ZFAND2A: variants seen among roughly 807,000 people sequenced by gnomAD.
The protein encoded by ZFAND2A is zinc finger AN1-type containing 2A.
A neutral mutation model predicts 11.6 loss-of-function variants in ZFAND2A; 20 were observed. That is an observed-to-expected ratio of 1.72 (90% CI 1.21 to 2.50). The LOEUF is 2.50. ZFAND2A is among the 30% of genes most tolerant of loss of function. The pLI is 0.00. For missense variants in ZFAND2A, 234 were observed against 182.9 expected (o/e 1.28, Z -1.61); for synonymous variants, 93 against 60.6 (o/e 1.54, Z -2.48).
downstream of ZFAND2A, among the ~76,000 whole-genome samples, chr7:1,152,623 T>TG (rs1289286087): frequency 1.3e-5 from 2 of 152,034 alleles, no homozygotes; most frequent in Non-Finnish European, 2.9e-5. Flanking sequence ...GTCACGACTG[T>TG]GGGATCACAT....
At chr7:1,155,370 T>A in intron 4 of ZFAND2A, 83 bp downstream of exon 4, 1 of 1,556,910 alleles carries the variant, frequency 6.4e-7, no homozygotes. Flanking sequence ...CTATTGGGAG[T>A]AATTTTCAGG....
chr7:1,155,567 T>C lies in ZFAND2A; in HGVS notation c.168A>G (p.Val56=), dbSNP rs750980741. The change falls in exon 4 of 5, where the codon GTA becomes GTG. Residue 56 remains valine, a synonymous_variant. Coordinates refer to ENST00000316495, the MANE Select transcript of ZFAND2A (RefSeq NM_182491.4). ...FAFQKDVHVP[V]CPLCNTPIPV... is the part of the protein sequence containing the mutation. Reference sequence around the variant, plus strand: ...GGATGGGGGTATTACAGAGTGGGCATACTGGGACGTGAACATCCTAAAAAT... The same window carrying C: ...GGATGGGGGTATTACAGAGTGGGCACACTGGGACGTGAACATCCTAAAAAT... 1 of 1,613,138 alleles carries C rather than the reference T, an allele frequency of 6.2e-7. No homozygotes were observed. The highest frequency in any genetic ancestry group is 8.5e-7 in the Non-Finnish European group (1 of 1,179,626).
At chr7:1,149,107 T>C (rs1226392218), downstream of ZFAND2A, among the ~76,000 whole-genome samples, 2 of 152,128 alleles carry the variant, frequency 1.3e-5, no homozygotes, top group African/African-American at 4.8e-5. Context: ...TGGATACATC[T>C]CAGTTTGGAC....
intron 1 of ZFAND2A, 70 bp from the exon 2 acceptor site, chr7:1,158,327 T>C (rs1793581762): frequency 1.1e-6 from 1 of 937,882 alleles, no homozygotes; most frequent in Non-Finnish European, 1.7e-6. Flanking sequence ...TACAATGTAA[T>C]TACAGCTAAT....
In ZFAND2A at chr7:1,155,661, G is replaced by C. The variant is rs1584027514; in HGVS notation, c.151-77C>G. 2.6e-6 allele frequency: 4 copies of C among 1,519,258 alleles called. No homozygotes were observed. The East Asian group carries it at 9.3e-5, about 35-fold the overall frequency. The allele number at this position is 1,519,258 out of a possible 1,614,324, so 94.1% of individuals were successfully genotyped here. On this transcript the variant is annotated intron_variant, in intron 3 of 4. Transcript: ENST00000316495. ...ACAGAAGTTTTAAACGAGTACTCCT[G>C]TGCGGCACACTTAAACACAAAGAGA...
chr7:1,152,603 CTTTT>C (rs1157179801), downstream of ZFAND2A, among the ~76,000 whole-genome samples: 1 of 152,282 alleles, frequency 6.6e-6, no homozygotes, highest in African/African-American at 2.4e-5. Context: ...GACACAGGGT[CTTTT>C]CAGAGGTCAC....
chr7:1,153,149 C>T lies in ZFAND2A; in HGVS notation c.358G>A (p.Gly120Ser), dbSNP rs149754089. Residue 120 changes from glycine (G) to serine (S), a missense_variant, in exon 5 of 5, where the codon GGC (glycine) becomes AGC (serine). By Grantham distance (56) the Gly-to-Ser change is moderately conservative (BLOSUM62 0). Transcript: ENST00000316495. ...MLQMVCAQCH[G>S]NFCIQHRHPL... ...TGTCTGTGCTGGATACAGAAGTTGC[C>T]GTGACATTGGGCACATACCATCTGC... 35 of 1,614,204 alleles carry T rather than the reference C, an allele frequency of 2.2e-5. No homozygotes were observed. In the East Asian group the frequency reaches 6.5e-4, roughly 30 times the overall value.
At chr7:1,159,771 G>A (rs1460479572) in intron 1 of ZFAND2A, among the ~76,000 whole-genome samples, 193 bp downstream of exon 1, 1 of 111,030 alleles carries the variant, frequency 9.0e-6, no homozygotes, top group African/African-American at 3.2e-5. Flanking sequence ...AGACAGGCCG[G>A]ACCCCCAGCA....
At chr7:1,156,079 G>C (rs1793519747) in intron 3 of ZFAND2A, among the ~76,000 whole-genome samples, 1 of 152,254 alleles carries the variant, frequency 6.6e-6, no homozygotes, top group Non-Finnish European at 1.5e-5. Flanking sequence ...ACTGGCTGCA[G>C]GCCAAGGTTG....
intron 4 of ZFAND2A, among the ~76,000 whole-genome samples, chr7:1,153,890 G>A (rs1010111608): frequency 1.3e-5 from 2 of 152,154 alleles, no homozygotes; most frequent in African/African-American, 4.8e-5. Flanking sequence ...GCAGTGAGCT[G>A]AGATTGTGCC....
At chr7:1,151,403 C>T (rs1008166432), downstream of ZFAND2A, among the ~76,000 whole-genome samples, 5 of 152,048 alleles carry the variant, frequency 3.3e-5, no homozygotes, top group Non-Finnish European at 2.9e-5. Flanking sequence ...ATAGTCACAT[C>T]GTTACAGAGG....
In ZFAND2A at chr7:1,153,171, C is replaced by G. The variant is rs765422786; in HGVS notation, c.336G>C (p.Gln112His). The G allele has an allele frequency of 1.2e-6, 2 of 1,614,058 alleles. No homozygotes were observed. The highest frequency in any genetic ancestry group is 3.3e-5 in the Admixed American group (2 of 60,010). Residue 112 changes from glutamine (Q) to histidine (H), a missense_variant, in exon 5 of 5, where the codon CAG becomes CAC. Gln to His is a conservative substitution (Grantham distance 24). Transcript: ENST00000316495. Reference protein sequence around the residue: ...KEGCKKKEMLQMVCAQCHGNF... With the variant: ...KEGCKKKEMLHMVCAQCHGNF... ...TGCCGTGACATTGGGCACATACCAT[C>G]TGCAGCATCTCTTTCTTCTTGCAGC...
At chr7:1,152,850 GCCAC>G, downstream of ZFAND2A, 1 of 741,806 alleles carries the variant, frequency 1.3e-6, no homozygotes, top group South Asian at 1.7e-5. Flanking sequence ...TATGGTTTGA[GCCAC>G]CCAGTTTTTA....
rs759992936 is a variant in ZFAND2A, at chr7:1,157,739, C to T, written c.67G>A (p.Val23Ile). Residue 23 changes from valine (V) to isoleucine (I), a missense_variant, in exon 3 of 5, where the codon GTA becomes ATA. Coordinates refer to ENST00000316495, the MANE Select transcript of ZFAND2A (RefSeq NM_182491.4). ...TCTTGTTTACATGCATCACATTTTA[C>T]TGGAAGAAAATCTAAAAAACAAAAA... ...KTCKQLDFLP[V>I]KCDACKQDFC... 2 of 1,553,498 alleles carry T rather than the reference C, an allele frequency of 1.3e-6. No individual in the cohort carries two copies. Among genetic ancestry groups the T allele is most frequent in the Non-Finnish European group, 1.7e-6 (2 of 1,154,100 alleles).
chr7:1,155,576 G>A lies in ZFAND2A; in HGVS notation c.159C>T (p.His53=), dbSNP rs779045778. ...TATTACAGAGTGGGCATACTGGGAC[G>A]TGAACATCCTAAAAATAACAAAGGT... The part of the protein sequence containing the change: ...KCPFAFQKDV[H]VPVCPLCNTP... Residue 53 remains histidine (H), a synonymous_variant, in exon 4 of 5, where the codon CAC becomes CAT. Transcript: ENST00000316495. The A allele has an allele frequency of 2.0e-5, 32 of 1,611,506 alleles. No homozygotes were observed. The highest frequency in any genetic ancestry group is 6.7e-5 in the African/African-American group (5 of 74,868).
intron 4 of ZFAND2A, among the ~76,000 whole-genome samples, chr7:1,154,088 G>A (rs1793464349): frequency 6.6e-6 from 1 of 152,118 alleles, no homozygotes; most frequent in Non-Finnish European, 1.5e-5. Context: ...CAGATGACAG[G>A]CAAGCCCCAC....
downstream of ZFAND2A, among the ~76,000 whole-genome samples, chr7:1,151,762 T>TAAAAGAAAAAAAAAAAAAAA (rs1554344525): frequency 2.5e-3 from 219 of 87,146 alleles, 7 homozygotes; most frequent in South Asian, 4.0e-3. Flanking sequence ...TCATCCCTTT[T>TAAAAGAAAAAAAAAAAAAAA]AAAAAAAAAA....
chr7:1,152,884 G>A (rs771388336), downstream of ZFAND2A: 4 of 909,786 alleles, frequency 4.4e-6, no homozygotes, highest in Non-Finnish European at 7.0e-6. Flanking sequence ...GACGGCAGCA[G>A]TGGGCAATGA....
downstream of ZFAND2A, among the ~76,000 whole-genome samples, chr7:1,152,634 G>A (rs1335050549): frequency 6.6e-6 from 1 of 152,158 alleles, no homozygotes; most frequent in African/African-American, 2.4e-5. Flanking sequence ...GGGATCACAT[G>A]ACCAGCATCC....
Sources: gnomAD v4.1 joint callset for allele counts (sites outside exome capture counted in the v4.1 genomes callset) on GRCh38, gnomAD v4.1.1 for gene constraint, MANE v1.5 for transcripts, NCBI Gene and HGNC (gene_info 2026-07-23, HGNC 2026-07-21) for gene names.